Variants in SVEP1 observed in about 807,000 individuals in gnomAD.
The protein encoded by SVEP1 is sushi, von Willebrand factor type A, EGF and pentraxin domain containing 1.
A neutral mutation model predicts 367.3 loss-of-function variants in SVEP1; 164 were observed. The observed-to-expected ratio is 0.45, with a 90% confidence interval of 0.39 to 0.51. SVEP1 has a LOEUF of 0.51. Among genes scored for constraint, SVEP1 ranks in the 20% least tolerant of loss-of-function variants. The pLI is 0.00. For synonymous variants in SVEP1, 1,666 were observed against 1,611.6 expected (o/e 1.03, Z -0.81); for missense variants, 4,117 against 4,425.3 (o/e 0.93, Z 1.98).
rs1421215075 is a variant in SVEP1 at position 110,512,817 on chromosome 9, G to A, written c.1303+109C>T. The A allele has an allele frequency of 3.2e-6, 4 of 1,264,890 alleles. No homozygotes were observed. The Admixed American group carries it at 5.7e-5, about 18-fold the overall frequency. The allele number at this position is 1,264,890 out of a possible 1,614,324, so 78.4% of individuals were successfully genotyped here. A position where few individuals can be genotyped will look rare whatever the true frequency, so the allele number is the denominator to read the frequency against. ...TAATTTTTCTCTTTCTGTAGTATGG[G>A]GTCTATGAAATCCAAAAAGAAATGA... is the stretch of plus-strand genomic sequence containing the variant. On this transcript the variant is annotated intron_variant, in intron 5 of 47. Coordinates refer to ENST00000374469, the MANE Select transcript of SVEP1 (RefSeq NM_153366.4).
intron 17 of SVEP1, among the ~76,000 whole-genome samples, chr9:110,467,818 T>C (rs1256797408): frequency 1.3e-5 from 2 of 152,034 alleles, no homozygotes; most frequent in Non-Finnish European, 2.9e-5. Flanking sequence ...GTATTTTTTG[T>C]AGAGACAGGA....
chr9:110,400,128 A>G (rs1437595397), intron 40 of SVEP1, among the ~76,000 whole-genome samples: 1 of 152,200 alleles, frequency 6.6e-6, no homozygotes, highest in African/African-American at 2.4e-5. Context: ...GGAACTTGGC[A>G]TCTCAATGCC....
At chr9:110,528,186 A>ATATATATATATATATATATT (rs1829970583) in intron 3 of SVEP1, among the ~76,000 whole-genome samples, 1 of 139,630 alleles carries the variant, frequency 7.2e-6, no homozygotes, top group Non-Finnish European at 1.6e-5. Flanking sequence ...ATATATATAT[A>ATATATATATATATATATATT]TGCCACATTT....
intron 39 of SVEP1, 131 bp from the exon 40 acceptor site, chr9:110,401,140 A>C: frequency 9.6e-7 from 1 of 1,041,790 alleles, no homozygotes; most frequent in Non-Finnish European, 1.4e-6. Context: ...GTTTGGTCCT[A>C]CTTTTGCTAC....
intron 35 of SVEP1, among the ~76,000 whole-genome samples, chr9:110,428,556 G>C (rs1045586529): frequency 3.9e-5 from 6 of 152,022 alleles, no homozygotes; most frequent in Middle Eastern, 6.3e-3. Context: ...AGCATTTATC[G>C]GGTATTCTGT....
At position 110,458,558 on chromosome 9, in the gene SVEP1, A is replaced by G; in HGVS notation, c.3489T>C (p.Phe1163=). 6.2e-7 allele frequency: 1 copy of G among 1,609,566 alleles called. No individual in the cohort carries two copies. Among genetic ancestry groups the G allele is most frequent in the Non-Finnish European group, 8.5e-7 (1 of 1,177,938 alleles). Residue 1163 remains phenylalanine, a synonymous_variant, in exon 20 of 48, where the codon TTT becomes TTC. Transcript: ENST00000374469. ...GSRSITECSS[F]SSTFSAAEES... ...CCTCTGCCGCTGAGAAAGTTGAACT[A>G]AAACCTAATCAATTAATAGAAAAAC... is the stretch of plus-strand genomic sequence containing the variant.
chr9:110,457,995 T>TC, intron 20 of SVEP1: 2 of 331,320 alleles, frequency 6.0e-6, no homozygotes, highest in Non-Finnish European at 1.1e-5. Context: ...ATATAAAGCA[T>TC]TTGGTTTAGC....
chr9:110,375,329 C>A, intron 46 of SVEP1, 39 bp downstream of exon 46: 1 of 1,512,686 alleles, frequency 6.6e-7, no homozygotes, highest in Non-Finnish European at 8.9e-7. Flanking sequence ...GTTTCATGGG[C>A]CTGAGCCACC....
chr9:110,461,539 A>G (rs1298250064), intron 18 of SVEP1, among the ~76,000 whole-genome samples: 1 of 152,158 alleles, frequency 6.6e-6, no homozygotes, highest in Non-Finnish European at 1.5e-5. Context: ...TTAGAGATGG[A>G]CTGAGGTTCA....
intron 1 of SVEP1, among the ~76,000 whole-genome samples, chr9:110,572,864 T>C (rs1481293445): frequency 6.6e-6 from 1 of 151,244 alleles, no homozygotes; most frequent in Admixed American, 6.6e-5. Flanking sequence ...TCTGGAATTG[T>C]TGTACGTACT....
chr9:110,400,313 C>G lies in SVEP1; in HGVS notation c.9822+541G>C, dbSNP rs1827838253. Among the ~76,000 whole-genome samples the G allele has an allele frequency of 2.6e-5, 4 of 151,994 alleles. No homozygotes were observed. The South Asian group carries it at 8.3e-4, about 32-fold the overall frequency. On this transcript the variant is annotated intron_variant, in intron 40 of 47. Coordinates refer to ENST00000374469, the MANE Select transcript of SVEP1 (RefSeq NM_153366.4). ...CAGCATCTGTCTTGTGGTTTGCGAA[C>G]TTACTTTTTTCCTTCCTTATCATGG...
At chr9:110,413,496 C>G (rs1226823159) in intron 36 of SVEP1, among the ~76,000 whole-genome samples, 1 of 151,314 alleles carries the variant, frequency 6.6e-6, no homozygotes, top group Admixed American at 6.6e-5. Flanking sequence ...ACATATGTAA[C>G]TAACCTGCAC....
chr9:110,459,906 G>A (rs966278086), intron 18 of SVEP1, among the ~76,000 whole-genome samples: 4 of 151,886 alleles, frequency 2.6e-5, no homozygotes, highest in African/African-American at 9.7e-5. Flanking sequence ...GTCTTTTATG[G>A]AGGTTTTTTA....
intron 30 of SVEP1, 59 bp downstream of exon 30, chr9:110,434,277 A>G: frequency 2.0e-6 from 3 of 1,516,994 alleles, no homozygotes; most frequent in Non-Finnish European, 2.7e-6. Flanking sequence ...TCCTGAAAAG[A>G]GTTATGTTTT....
In SVEP1 at chr9:110,511,426, TTGAG is replaced by T. The variant is rs1829709257; in HGVS notation, c.1303+1496_1303+1499del. Among the ~76,000 whole-genome samples, 5 of 151,436 alleles carry T rather than the reference TTGAG, an allele frequency of 3.3e-5. No individual in the cohort carries two copies. In the South Asian group the frequency reaches 6.2e-4, roughly 19 times the overall value. ...TTTGATTGACCTTCAAATGAATTTC[TTGAG>T]TTAGTTTTCTAATTTATTAATTTGA... On this transcript the variant is annotated intron_variant, in intron 5 of 47. Coordinates refer to ENST00000374469, the MANE Select transcript of SVEP1 (RefSeq NM_153366.4).
chr9:110,383,061 A>G lies in SVEP1; in HGVS notation c.10237+2837T>C, dbSNP rs539523057. ...CACTTTCTGAAGCCTACTTCTTTCA[A>G]TTCATCAATCCTAGCCTCTGCCCAA... is the stretch of plus-strand genomic sequence containing the variant. On this transcript the variant is annotated intron_variant, in intron 43 of 47. Transcript: ENST00000374469. Among the ~76,000 whole-genome samples, 6 of 152,280 alleles carry G rather than the reference A, an allele frequency of 3.9e-5. No homozygotes were observed. The South Asian group carries it at 1.2e-3, about 32-fold the overall frequency.
At chr9:110,452,319 G>A (rs1828705923) in intron 22 of SVEP1, among the ~76,000 whole-genome samples, 1 of 151,968 alleles carries the variant, frequency 6.6e-6, no homozygotes, top group South Asian at 2.1e-4. Context: ...ATTTTATTTA[G>A]AAACTTGGTT....
Position 110,579,309 on chromosome 9 carries a change from T to G in SVEP1, c.235A>C (p.Ser79Arg). The change falls in exon 1 of 48, where the codon AGC (serine) becomes CGC (arginine). Residue 79 changes from serine (S) to arginine (R), a missense_variant. By Grantham distance (110) the Ser-to-Arg change is moderately radical. This residue lies in a region of SVEP1 where 161 missense variants were observed against 122.4 expected (regional missense o/e 1.32). Transcript: ENST00000374469. The surrounding 1 kb of genome is among the most constrained non-coding windows in gnomAD (Gnocchi z 5.3). ...RRRVRLLREL[S>R]ERLELVFLVD... ...AGGAAGACAAGCTCCAGGCGCTCGC[T>G]GAGCTCCCGCAGCAGCCGCACGCGT... The G allele has an allele frequency of 6.4e-7, 1 of 1,565,210 alleles. No individual in the cohort carries two copies. The highest frequency in any genetic ancestry group is 8.6e-7 in the Non-Finnish European group (1 of 1,156,802).
Position 110,379,384 on chromosome 9 carries a change from T to C in SVEP1, c.10371A>G (p.Leu3457=). The part of the protein sequence containing the change: ...MLEGFLRSVC[L]ENGTWTSPPI... Reference sequence around the variant, plus strand: ...GAGGTGATGTCCATGTTCCATTTTCTAAACAAACACTCCTCAGGAAACCCT... The same window carrying C: ...GAGGTGATGTCCATGTTCCATTTTCCAAACAAACACTCCTCAGGAAACCCT... The change falls in exon 44 of 48, where the codon TTA becomes TTG. Residue 3457 remains leucine (L), a synonymous_variant. Transcript: ENST00000374469. 1 of 1,613,812 alleles carries C rather than the reference T, an allele frequency of 6.2e-7. No homozygotes were observed. The highest frequency in any genetic ancestry group is 8.5e-7 in the Non-Finnish European group (1 of 1,179,788).
Sources: allele counts gnomAD v4.1 joint callset (sites outside exome capture counted in the v4.1 genomes callset), GRCh38; gene constraint gnomAD v4.1.1; regional missense constraint gnomAD v4.1.1; non-coding constraint Gnocchi (gnomAD v3.1); transcripts MANE v1.5; gene names NCBI Gene and HGNC (gene_info 2026-07-23, HGNC 2026-07-21).